HLA-DMB: variants seen among roughly 807,000 people sequenced by gnomAD.
HLA-DMB encodes the protein HLA class II histocompatibility antigen, DM beta chain.
HLA-DMB carries 18 observed loss-of-function variants against 29.3 expected under a neutral mutation model. The observed-to-expected ratio is 0.62, with a 90% CI of 0.43 to 0.91. HLA-DMB has a LOEUF of 0.91. Among genes scored for constraint, HLA-DMB ranks in the 40% least tolerant of loss-of-function variants. The pLI is 0.00. For synonymous variants in HLA-DMB, 143 were observed against 128.7 expected (o/e 1.11, Z -0.75); for missense variants, 258 against 320.9 (o/e 0.80, Z 1.50).
intron 3 of HLA-DMB, chr6:32,936,377 GA>G (rs1159968124): frequency 6.6e-6 from 1 of 152,392 alleles, no homozygotes; most frequent in African/African-American, 2.4e-5. Flanking sequence ...TGCCCAGCAA[GA>G]AACAACACTT....
At chr6:32,936,998 T>G (rs1055141799) in intron 3 of HLA-DMB, 174 bp downstream of exon 3, 4 of 485,794 alleles carry the variant, frequency 8.2e-6, no homozygotes, top group African/African-American at 7.9e-5. Context: ...TGCACCAACC[T>G]AAATATTTCC....
chr6:32,938,578 T>C (rs1776148497), intron 2 of HLA-DMB, 106 bp downstream of exon 2: 1 of 1,138,054 alleles, frequency 8.8e-7, no homozygotes, highest in African/African-American at 1.6e-5. Flanking sequence ...ACATTTTCTC[T>C]TATTTGCTGC....
chr6:32,939,031 T>C (rs535738804), intron 1 of HLA-DMB, 66 bp from the exon 2 acceptor site: 7 of 959,874 alleles, frequency 7.3e-6, no homozygotes, highest in Non-Finnish European at 9.7e-6. Context: ...AATAAATAAA[T>C]ATATAAATAA....
At position 32,937,254 on chromosome 6, in the gene HLA-DMB, T is replaced by G. The variant is rs998771425; in HGVS notation, c.540A>C (p.Leu180Phe). Reference protein sequence around the residue: ...GDWTYQTLSHLALTPSYGDTY... With the variant: ...GDWTYQTLSHFALTPSYGDTY... ...TGTCCCCGTAAGAGGGGGTTAAGGC[T>G]AAATGGGAGAGGGTCTGGTATGTCC... is the stretch of plus-strand genomic sequence containing the variant. The change falls in exon 3 of 6, where the codon TTA becomes TTC. Residue 180 changes from leucine (L) to phenylalanine (F), a missense_variant. Leu to Phe is a conservative substitution (Grantham distance 22). Coordinates refer to ENST00000418107, the MANE Select transcript of HLA-DMB (RefSeq NM_002118.5). This position sits in a 1 kb window ranked among gnomAD's most constrained non-coding sequence, Gnocchi z 4.1. The G allele has an allele frequency of 6.2e-7, 1 of 1,614,136 alleles. No individual in the cohort carries two copies. The highest frequency in any genetic ancestry group is 1.3e-5 in the African/African-American group (1 of 75,038).
Position 32,937,338 on chromosome 6 carries a change from G to T in HLA-DMB, c.456C>A (p.Asn152Lys). The change falls in exon 3 of 6, where the codon AAC becomes AAA. Residue 152 changes from asparagine (N) to lysine (K), a missense_variant. Asn to Lys is a moderately conservative substitution (Grantham distance 94). Coordinates refer to ENST00000418107, the MANE Select transcript of HLA-DMB (RefSeq NM_002118.5). The surrounding 1 kb of genome is among the most constrained non-coding windows in gnomAD (Gnocchi z 4.1). ...TGCTGTGAGGCATGACAAGCTTCCC[G>T]TTCTTCCTCCACGTGATAGTCACTT... ...PAEVTITWRK[N>K]GKLVMPHSSA... 2 of 1,614,158 alleles carry T rather than the reference G, an allele frequency of 1.2e-6. No individual in the cohort carries two copies. Among genetic ancestry groups the T allele is most frequent in the Non-Finnish European group, 1.7e-6 (2 of 1,180,028 alleles).
Position 32,937,476 on chromosome 6 carries a change from A to T in HLA-DMB, c.338-20T>A. 6.3e-7 allele frequency: 1 copy of T among 1,598,838 alleles called. No homozygotes were observed. Among genetic ancestry groups the T allele is most frequent in the African/African-American group, 1.3e-5 (1 of 74,648 alleles). On this transcript the variant is annotated intron_variant, in intron 2 of 5. Transcript: ENST00000418107. The surrounding 1 kb of genome is among the most constrained non-coding windows in gnomAD (Gnocchi z 4.1). The stretch of plus-strand genomic sequence containing the variant: ...GTGGCCCTGCATAGGAGAAAAAAAC[A>T]TGTTTAGGAAGGAGGGTGACATTCT...
At chr6:32,938,064 T>C (rs1776113126) in intron 2 of HLA-DMB, 1 of 153,016 alleles carries the variant, frequency 6.5e-6, no homozygotes, top group Non-Finnish European at 1.5e-5. Context: ...CAATCTTAAA[T>C]AAAAATCCAA....
At position 32,937,710 on chromosome 6, in the gene HLA-DMB, G is replaced by A; in HGVS notation, c.338-254C>T. The A allele has an allele frequency of 1.8e-6, 1 of 543,660 alleles. No homozygotes were observed. Among genetic ancestry groups the A allele is most frequent in the East Asian group, 3.0e-5 (1 of 33,284 alleles). The allele number at this position is 543,660 out of a possible 1,614,324, so 33.7% of individuals were successfully genotyped here. On this transcript the variant is annotated intron_variant, in intron 2 of 5. Transcript: ENST00000418107. This position sits in a 1 kb window ranked among gnomAD's most constrained non-coding sequence, Gnocchi z 4.1. Reference sequence around the variant, plus strand: ...TTATGTTTGATTACAATTAGTAAAAGCCAGATCTGAACTGCAAGCTGTTCT... The same window carrying A: ...TTATGTTTGATTACAATTAGTAAAAACCAGATCTGAACTGCAAGCTGTTCT...
chr6:32,940,356 A>G (rs1488488589), intron 1 of HLA-DMB, among the ~76,000 whole-genome samples: 1 of 152,150 alleles, frequency 6.6e-6, no homozygotes, highest in Non-Finnish European at 1.5e-5. Flanking sequence ...AAACATGACA[A>G]TTTGCCCAGA....
At position 32,934,871 on chromosome 6, in the gene HLA-DMB, C is replaced by T; in HGVS notation, c.*100G>A. 8.2e-7 allele frequency: 1 copy of T among 1,215,400 alleles called. No homozygotes were observed. Among genetic ancestry groups the T allele is most frequent in the Non-Finnish European group, 1.2e-6 (1 of 824,118 alleles). The allele number at this position is 1,215,400 out of a possible 1,614,324, so 75.3% of individuals were successfully genotyped here. A position where few individuals can be genotyped will look rare whatever the true frequency, so the allele number is the denominator to read the frequency against. On this transcript the variant is annotated 3_prime_UTR_variant, in exon 6 of 6. Coordinates refer to ENST00000418107, the MANE Select transcript of HLA-DMB (RefSeq NM_002118.5). The stretch of plus-strand genomic sequence containing the variant: ...AATTGGATGGAGAAACCATAGGATC[C>T]AAGATAATGTCAGGGGGTTGAAGAT...
At position 32,935,145 on chromosome 6, in the gene HLA-DMB, C is replaced by T. The variant is rs1008322304; in HGVS notation, c.776-158G>A. On this transcript the variant is annotated intron_variant, in intron 5 of 5. Coordinates refer to ENST00000418107, the MANE Select transcript of HLA-DMB (RefSeq NM_002118.5). ...GCACCTTCAGCCTCCTCTCCACAGA[C>T]ATCCCACTTGGTAGAAGAGGAGGAT... is the stretch of plus-strand genomic sequence containing the variant. The T allele has an allele frequency of 3.5e-5, 31 of 881,356 alleles. No homozygotes were observed. In the African/African-American group the frequency reaches 4.5e-4, roughly 13 times the overall value. 54.6% of individuals were successfully genotyped at this position (881,356 alleles called of 1,614,324 possible).
At chr6:32,935,432 A>T in intron 4 of HLA-DMB, 55 bp from the exon 5 acceptor site, 1 of 1,523,910 alleles carries the variant, frequency 6.6e-7, no homozygotes, top group Non-Finnish European at 9.1e-7. Flanking sequence ...AATATCTAGC[A>T]GTATTCATAG....
In HLA-DMB at chr6:32,934,974, G is replaced by C. The variant is rs1582807726; in HGVS notation, c.789C>G (p.Ser263=). 1 of 1,612,840 alleles carries C rather than the reference G, an allele frequency of 6.2e-7. No individual in the cohort carries two copies. The change falls in exon 6 of 6, where the codon TCC becomes TCG. Residue 263 remains serine, a synonymous_variant. Transcript: ENST00000418107. ...GSNYSEGWHI[S] is the part of the protein sequence containing the mutation. ...TGGAAGTTGTAGGATTCTGCCTCTAGGAAATGTGCCATCCTACAGAATAAA... is the reference window on the plus strand; with the variant it reads ...TGGAAGTTGTAGGATTCTGCCTCTACGAAATGTGCCATCCTACAGAATAAA...
chr6:32,935,652 G>A lies in HLA-DMB; in HGVS notation c.623C>T (p.Thr208Ile). 2.5e-6 allele frequency: 4 copies of A among 1,609,940 alleles called. No individual in the cohort carries two copies. The highest frequency in any genetic ancestry group is 1.1e-5 in the South Asian group (1 of 90,982). ...GAPEPILRDW[T>I]PGLSPMQTLK... ...GGTCTGCATGGGGGACAGCCCAGGTGCTGCAAAAAATAGAAACTTACTTGA... is the reference window on the plus strand; with the variant it reads ...GGTCTGCATGGGGGACAGCCCAGGTACTGCAAAAAATAGAAACTTACTTGA... The change falls in exon 4 of 6, where the codon ACA becomes ATA. Residue 208 changes from threonine (T) to isoleucine (I), a missense_variant and splice_region_variant. Coordinates refer to ENST00000418107, the MANE Select transcript of HLA-DMB (RefSeq NM_002118.5).
chr6:32,940,780 C>CCAG lies in HLA-DMB; in HGVS notation c.25_27dup (p.Leu9dup). 1 of 1,605,640 alleles carries CCAG rather than the reference C, an allele frequency of 6.2e-7. No homozygotes were observed. Among genetic ancestry groups the CCAG allele is most frequent in the Non-Finnish European group, 8.5e-7 (1 of 1,176,686 alleles). On this transcript the variant is annotated inframe_insertion, in exon 1 of 6. Transcript: ENST00000418107. Reference sequence around the variant, plus strand: ...GCTCCTGTGCAGCCCAGGCTGAGCCCCAGCAGCAGCGGCAGGAATGTGATC... The same window carrying CCAG: ...GCTCCTGTGCAGCCCAGGCTGAGCCCCAGCAGCAGCAGCGGCAGGAATGTGATC...
At position 32,937,100 on chromosome 6, in the gene HLA-DMB, T is replaced by A; in HGVS notation, c.622+72A>T. The A allele has an allele frequency of 7.4e-7, 1 of 1,359,036 alleles. No individual in the cohort carries two copies. The highest frequency in any genetic ancestry group is 2.2e-5 in the Admixed American group (1 of 45,832). 84.2% of individuals were successfully genotyped at this position (1,359,036 alleles called of 1,614,324 possible). ...ATTTTCAGCACTTCGCTGTCTACCA[T>A]GTACCATGTATCGATCCACATCTCA... On this transcript the variant is annotated intron_variant, in intron 3 of 5. Transcript: ENST00000418107. The surrounding 1 kb of genome is among the most constrained non-coding windows in gnomAD (Gnocchi z 4.1).
At chr6:32,940,690 G>A (rs1302701641) in intron 1 of HLA-DMB, 63 bp downstream of exon 1, 3 of 1,339,180 alleles carry the variant, frequency 2.2e-6, no homozygotes, top group African/African-American at 1.4e-5. Flanking sequence ...ATTACAAAAC[G>A]GAACACCCTT....
At chr6:32,940,671 T>A in intron 1 of HLA-DMB, 82 bp downstream of exon 1, 1 of 1,034,222 alleles carries the variant, frequency 9.7e-7, no homozygotes, top group Non-Finnish European at 1.4e-6. Context: ...ATCTGGGGTG[T>A]CAAATGCAAT....
Position 32,934,912 on chromosome 6 carries a change from T to C in HLA-DMB, c.*59A>G. On this transcript the variant is annotated 3_prime_UTR_variant, in exon 6 of 6. Coordinates refer to ENST00000418107, the MANE Select transcript of HLA-DMB (RefSeq NM_002118.5). ...GGTTGAAGATGTTGGAGAGGCATGG[T>C]AGCATCATTGAGTTTGAATCTCCTT... 5 of 1,502,992 alleles carry C rather than the reference T, an allele frequency of 3.3e-6. No individual in the cohort carries two copies. The highest frequency in any genetic ancestry group is 4.6e-6 in the Non-Finnish European group (5 of 1,079,888). 93.1% of individuals were successfully genotyped at this position (1,502,992 alleles called of 1,614,324 possible). A position where few individuals can be genotyped will look rare whatever the true frequency, so the allele number is the denominator to read the frequency against.
Sources: gnomAD v4.1 joint callset for allele counts (sites outside exome capture counted in the v4.1 genomes callset) on GRCh38, gnomAD v4.1.1 for gene constraint, Gnocchi (gnomAD v3.1) non-coding constraint, MANE v1.5 for transcripts, NCBI Gene and HGNC (gene_info 2026-07-23, HGNC 2026-07-21) for gene names.